Variants in CNST observed in about 807,000 individuals in gnomAD.
CNST encodes the protein consortin.
A neutral mutation model predicts 72.4 loss-of-function variants in CNST; 39 were observed. That is an observed-to-expected ratio of 0.54 (90% CI 0.42 to 0.70). CNST has a LOEUF of 0.70. CNST is among the 30% of genes least tolerant of loss of function. The probability of loss-of-function intolerance (pLI) is 0.00; values close to 1 mark genes in which losing one functional copy is unlikely to be tolerated. For missense variants in CNST, 871 were observed against 868.5 expected (o/e 1.00, Z -0.04); for synonymous variants, 332 against 320.1 (o/e 1.04, Z -0.40).
chr1:246,640,604 A>G (rs183442574), intron 6 of CNST, among the ~76,000 whole-genome samples: 151 of 152,342 alleles, frequency 9.9e-4, no homozygotes, highest in Admixed American at 8.5e-3. Flanking sequence ...AAAGGCTAAA[A>G]GACTTTCCAT....
intron 5 of CNST, 145 bp from the exon 6 acceptor site, chr1:246,634,328 T>C (rs775480572): frequency 5.2e-6 from 3 of 578,086 alleles, no homozygotes; most frequent in Non-Finnish European, 9.1e-6. Flanking sequence ...AAGTAATAAG[T>C]TAGTTATTTC....
Position 246,591,868 on chromosome 1 carries a change from G to T in CNST, c.306G>T (p.Leu102Phe). ...CEASRDEQAF[L>F]GKDKKIPGKR... ...CCTCCAGAGATGAACAGGCCTTCTT[G>T]GGAAAGGACAAAAAAATTCCTGGAA... is the stretch of plus-strand genomic sequence containing the variant. The change falls in exon 2 of 11, where the codon TTG (leucine) becomes TTT (phenylalanine). Residue 102 changes from leucine to phenylalanine, a missense_variant. Transcript: ENST00000366513. 1 of 1,613,872 alleles carries T rather than the reference G, an allele frequency of 6.2e-7. No individual in the cohort carries two copies. Among genetic ancestry groups the T allele is most frequent in the South Asian group, 1.1e-5 (1 of 91,046 alleles).
rs1491252940 is a variant in CNST, at chr1:246,642,132, G to GTTTTTTTTTTTTTTTTTTTTTTTTTTTT, written c.937+95_937+96insTTTTTTTTTTTTTTTTTTTTTTTTTTTT. 36 of 193,280 alleles carry GTTTTTTTTTTTTTTTTTTTTTTTTTTTT rather than the reference G, an allele frequency of 1.9e-4. 11 individuals carry two copies. The highest frequency in any genetic ancestry group is 1.8e-3 in the African/African-American group (33 of 18,774). 12.0% of individuals were successfully genotyped at this position (193,280 alleles called of 1,614,324 possible). ...ACATCTGAATTGCTGCAAAGGATCT[G>GTTTTTTTTTTTTTTTTTTTTTTTTTTTT]GTTTTTTTTTTTTTTTTTTTTTGCA... On this transcript the variant is annotated intron_variant, in intron 8 of 10. Transcript: ENST00000366513.
At chr1:246,583,238 AC>A (rs1660913271) in intron 1 of CNST, among the ~76,000 whole-genome samples, 1 of 152,058 alleles carries the variant, frequency 6.6e-6, no homozygotes, top group Non-Finnish European at 1.5e-5. Flanking sequence ...CTAACTTCTC[AC>A]GCTGTTTGCT....
At chr1:246,612,036 A>G (rs894127646) in intron 2 of CNST, among the ~76,000 whole-genome samples, 6 of 152,254 alleles carry the variant, frequency 3.9e-5, no homozygotes, top group African/African-American at 1.2e-4. Context: ...TATATAAGCT[A>G]TGTAGAATTG....
intron 2 of CNST, among the ~76,000 whole-genome samples, chr1:246,603,678 G>C (rs1662466421): frequency 6.6e-6 from 1 of 152,134 alleles, no homozygotes; most frequent in Admixed American, 6.6e-5. Flanking sequence ...ATCTTGAAAA[G>C]GTGCTAAGTG....
In CNST at chr1:246,665,888, TG is replaced by T; in HGVS notation, c.2163del (p.Trp721Ter). ...TCAGGGAGTGGCAGAACTGAAGCAC[TG>T]GATCTACCTCTCCTAGCAGCATTCC... ...LLQGVAELKH[W>X]IYLS On this transcript the variant is annotated frameshift_variant, in exon 11 of 11. Transcript: ENST00000366513. LOFTEE classifies it high-confidence loss of function. 1 of 1,611,484 alleles carries T rather than the reference TG, an allele frequency of 6.2e-7. No individual in the cohort carries two copies. The highest frequency in any genetic ancestry group is 2.2e-5 in the East Asian group (1 of 44,832).
chr1:246,650,016 A>C (rs1666363737), intron 9 of CNST, among the ~76,000 whole-genome samples: 1 of 152,048 alleles, frequency 6.6e-6, no homozygotes, highest in Non-Finnish European at 1.5e-5. Flanking sequence ...CCTACAATTG[A>C]TCAACATCCC....
At chr1:246,595,386 A>G (rs1661811889) in intron 2 of CNST, among the ~76,000 whole-genome samples, 1 of 152,132 alleles carries the variant, frequency 6.6e-6, no homozygotes, top group East Asian at 1.9e-4. Context: ...TGATCTCTCA[A>G]GTCAGTCTGT....
intron 2 of CNST, among the ~76,000 whole-genome samples, chr1:246,602,321 G>A (rs967957751): frequency 1.3e-5 from 2 of 152,214 alleles, no homozygotes; most frequent in Non-Finnish European, 2.9e-5. Context: ...GTCAGAATCT[G>A]TGTGTGGCTT....
chr1:246,655,245 G>A (rs2103153876), intron 9 of CNST, among the ~76,000 whole-genome samples: 1 of 152,158 alleles, frequency 6.6e-6, no homozygotes, highest in African/African-American at 2.4e-5. Flanking sequence ...TCCTTTTTAA[G>A]TGAATCTTTT....
intron 1 of CNST, chr1:246,566,912 A>G: frequency 2.8e-6 from 1 of 350,882 alleles, no homozygotes; most frequent in Middle Eastern, 7.1e-4. Context: ...TCCCTAGGGG[A>G]CTAGCGCCAG....
At chr1:246,658,082 A>G (rs1666865331) in intron 9 of CNST, among the ~76,000 whole-genome samples, 1 of 152,248 alleles carries the variant, frequency 6.6e-6, no homozygotes, top group Admixed American at 6.5e-5. Flanking sequence ...GAAGGAATCA[A>G]TAAACTTCCT....
intron 3 of CNST, among the ~76,000 whole-genome samples, chr1:246,622,678 G>C (rs1664168997): frequency 6.6e-6 from 1 of 152,188 alleles, no homozygotes. Context: ...TGAGGATTGA[G>C]AGGGTGTAGA....
intron 2 of CNST, among the ~76,000 whole-genome samples, chr1:246,605,129 G>T (rs1439787610): frequency 6.6e-6 from 1 of 152,214 alleles, no homozygotes; most frequent in Non-Finnish European, 1.5e-5. Context: ...GATGAATTCA[G>T]TGTGCTTGGA....
In CNST at chr1:246,648,987, C is replaced by T. The variant is rs1666292239; in HGVS notation, c.1836+950C>T. Among the ~76,000 whole-genome samples, 3 of 152,152 alleles carry T rather than the reference C, an allele frequency of 2.0e-5. No homozygotes were observed. In the South Asian group the frequency reaches 6.2e-4, roughly 32 times the overall value. ...GTAATTATAGCTGCTATATTACTAGCTCCCTTTATTGCCATTTATAGTCAA... is the reference window on the plus strand; with the variant it reads ...GTAATTATAGCTGCTATATTACTAGTTCCCTTTATTGCCATTTATAGTCAA... On this transcript the variant is annotated intron_variant, in intron 9 of 10. Transcript: ENST00000366513.
At chr1:246,638,811 G>A in intron 6 of CNST, among the ~76,000 whole-genome samples, 1 of 152,180 alleles carries the variant, frequency 6.6e-6, no homozygotes, top group African/African-American at 2.4e-5. Context: ...TGTCCACACA[G>A]AAGTGTGCAG....
At chr1:246,619,947 ACGGC>A in intron 2 of CNST, among the ~76,000 whole-genome samples, 3 of 115,116 alleles carry the variant, frequency 2.6e-5, no homozygotes, top group Admixed American at 9.1e-5. Context: ...TACAGGGAGG[ACGGC>A]TTCAGTCGTG....
At chr1:246,614,791 T>C (rs1330554146) in intron 2 of CNST, among the ~76,000 whole-genome samples, 2 of 152,074 alleles carry the variant, frequency 1.3e-5, no homozygotes, top group African/African-American at 4.8e-5. Flanking sequence ...TTTTTTATTC[T>C]CTTAATTACT....
Sources: allele counts gnomAD v4.1 joint callset (sites outside exome capture counted in the v4.1 genomes callset), GRCh38; gene constraint gnomAD v4.1.1; transcripts MANE v1.5; gene names NCBI Gene and HGNC (gene_info 2026-07-23, HGNC 2026-07-21).